PRICKLE2: variants seen among roughly 807,000 people sequenced by gnomAD.
PRICKLE2 encodes the protein prickle planar cell polarity protein 2.
A neutral mutation model predicts 81.4 loss-of-function variants in PRICKLE2; 21 were observed. The observed-to-expected ratio is 0.26, with a 90% CI of 0.18 to 0.37. The LOEUF is 0.37. Ranked by LOEUF, PRICKLE2 falls within the 10% of genes least tolerant of loss-of-function variation. The probability of loss-of-function intolerance (pLI) is 1.00; values close to 1 mark genes in which losing one functional copy is unlikely to be tolerated. For synonymous variants in PRICKLE2, 456 were observed against 421.5 expected (o/e 1.08, Z -1.00); for missense variants, 940 against 1,109.0 (o/e 0.85, Z 2.16).
intron 2 of PRICKLE2, among the ~76,000 whole-genome samples, chr3:64,169,225 T>G (rs149313361): frequency 6.6e-6 from 1 of 152,116 alleles, no homozygotes; most frequent in African/African-American, 2.4e-5. Flanking sequence ...GTAAACACAA[T>G]GGCTAGAGCT....
At position 64,225,395 on chromosome 3, in the gene PRICKLE2, G is replaced by A. The variant is rs1407604359; in HGVS notation, c.-526C>T. 1.0e-6 allele frequency: 1 copy of A among 985,380 alleles called. No homozygotes were observed. The highest frequency in any genetic ancestry group is 1.2e-6 in the Non-Finnish European group (1 of 829,980). The allele number at this position is 985,380 out of a possible 1,614,324, so 61.0% of individuals were successfully genotyped here. ...CTCAAGCCACTGAACCAGGAAATGT[G>A]CTGCTTGGTCAAAAAATAATAATAA... On this transcript the variant is annotated 5_prime_UTR_variant, in exon 1 of 8. Transcript: ENST00000638394.
chr3:64,248,777 T>C, intron 2 of PRICKLE2, among the ~76,000 whole-genome samples: 1 of 151,962 alleles, frequency 6.6e-6, no homozygotes, highest in Non-Finnish European at 1.5e-5. Context: ...AATAGAAGAC[T>C]CTATAGAAAC....
At chr3:64,239,084 A>C (rs1455488074) in intron 2 of PRICKLE2, among the ~76,000 whole-genome samples, 1 of 152,174 alleles carries the variant, frequency 6.6e-6, no homozygotes, top group Non-Finnish European at 1.5e-5. Context: ...ATGTCAGAGC[A>C]GACTGCCTTG....
chr3:64,205,369 CT>C (rs2078668104), intron 1 of PRICKLE2, among the ~76,000 whole-genome samples: 3 of 152,186 alleles, frequency 2.0e-5, no homozygotes, highest in South Asian at 4.1e-4. Context: ...CGGAGACCCT[CT>C]CTTTAACTAT....
At position 64,099,849 on chromosome 3, in the gene PRICKLE2, A is replaced by G. The variant is rs1477115652; in HGVS notation, c.1737T>C (p.Ser579=). The G allele has an allele frequency of 2.8e-5, 45 of 1,614,090 alleles. No homozygotes were observed. Among genetic ancestry groups the G allele is most frequent in the Admixed American group, 1.7e-4 (10 of 60,008 alleles). Residue 579 remains serine (S), a synonymous_variant, in exon 8 of 8, where the codon TCT becomes TCC. Transcript: ENST00000638394. The surrounding 1 kb of genome is among the most constrained non-coding windows in gnomAD (Gnocchi z 4.3). ...TCAGCTTCTCAGACACATTCATTCCAGAGTCTTTGCTGAGGTCAGGCATGG... is the reference window on the plus strand; with the variant it reads ...TCAGCTTCTCAGACACATTCATTCCGGAGTCTTTGCTGAGGTCAGGCATGG... The part of the protein sequence containing the change: ...RFSMPDLSKD[S]GMNVSEKLSN...
chr3:64,245,100 A>G (rs1431248067), intron 2 of PRICKLE2, among the ~76,000 whole-genome samples: 1 of 152,138 alleles, frequency 6.6e-6, no homozygotes, highest in Middle Eastern at 3.2e-3. Context: ...TTTCAAGCCG[A>G]TTTTTCTAAG....
intron 2 of PRICKLE2, among the ~76,000 whole-genome samples, chr3:64,258,893 G>GAAAGAAAGAAAGAAATAAATAAAT (rs796940955): frequency 2.1e-4 from 30 of 140,944 alleles, no homozygotes; most frequent in African/African-American, 8.1e-4. Context: ...AAGAAAGAAA[G>GAAAGAAAGAAAGAAATAAATAAAT]AAATCAGGAG....
chr3:64,219,014 T>C (rs897947578), intron 1 of PRICKLE2, among the ~76,000 whole-genome samples: 1 of 152,122 alleles, frequency 6.6e-6, no homozygotes, highest in African/African-American at 2.4e-5. Context: ...ACACCCCCTC[T>C]TCACTAGTGG....
At chr3:64,209,319 T>A (rs1559580623) in intron 1 of PRICKLE2, among the ~76,000 whole-genome samples, 1 of 151,868 alleles carries the variant, frequency 6.6e-6, no homozygotes, top group Non-Finnish European at 1.5e-5. Flanking sequence ...CATACATACA[T>A]CCATATTTAT....
At chr3:64,171,417 C>A (rs555852812) in intron 2 of PRICKLE2, among the ~76,000 whole-genome samples, 1 of 152,346 alleles carries the variant, frequency 6.6e-6, no homozygotes, top group East Asian at 1.9e-4. Flanking sequence ...TCAGCCCCAA[C>A]AGCAAAAGAT....
intron 2 of PRICKLE2, among the ~76,000 whole-genome samples, chr3:64,262,516 G>C (rs2079630703): frequency 6.6e-6 from 1 of 151,962 alleles, no homozygotes; most frequent in South Asian, 2.1e-4. Context: ...GACTCCACTA[G>C]TCAAGAGTCC....
rs199785142 is a variant in PRICKLE2, at chr3:64,147,282, T to A, written c.1208A>T (p.Tyr403Phe). ...IWRSREEPYH[Y>F]GNKMEQNQTQ... ...CTGGTTCTGCTCCATCTTGTTCCCA[T>A]AATGGTAGGGCTCTTCCCGGCTCCT... Residue 403 changes from tyrosine to phenylalanine, a missense_variant, in exon 7 of 8, where the codon TAT becomes TTT. By Grantham distance (22) the Tyr-to-Phe change is conservative (BLOSUM62 3). Around this residue, in one of 2 missense-constraint regions of PRICKLE2, gnomAD observed 670 missense variants for 717.2 expected, o/e 0.93. Transcript: ENST00000638394. This position sits in a 1 kb window ranked among gnomAD's most constrained non-coding sequence, Gnocchi z 5.0. The A allele has an allele frequency of 2.8e-5, 45 of 1,612,730 alleles. No individual in the cohort carries two copies. Among genetic ancestry groups the A allele is most frequent in the Middle Eastern group, 1.6e-4 (1 of 6,082 alleles).
chr3:64,113,526 C>G (rs2076884251), intron 7 of PRICKLE2, among the ~76,000 whole-genome samples: 1 of 152,138 alleles, frequency 6.6e-6, no homozygotes, highest in Non-Finnish European at 1.5e-5. Flanking sequence ...TGCACATGCT[C>G]CCTCCCCATA....
intron 2 of PRICKLE2, among the ~76,000 whole-genome samples, chr3:64,166,990 T>C (rs528290746): frequency 9.4e-4 from 143 of 152,324 alleles, no homozygotes; most frequent in Non-Finnish European, 1.7e-3. Context: ...ATTCTTTGGC[T>C]GGATACAGGA....
intron 3 of PRICKLE2, among the ~76,000 whole-genome samples, chr3:64,162,227 T>G (rs1345641247): frequency 6.6e-6 from 1 of 152,160 alleles, no homozygotes; most frequent in African/African-American, 2.4e-5. Context: ...ATTACATTTT[T>G]GTTTTAAATG....
chr3:64,170,703 T>TAAAA (rs770744864), intron 2 of PRICKLE2, among the ~76,000 whole-genome samples: 1 of 113,400 alleles, frequency 8.8e-6, no homozygotes, highest in Non-Finnish European at 1.8e-5. Context: ...CTAGAAACAT[T>TAAAA]AAAAAAAAAA....
intron 7 of PRICKLE2, among the ~76,000 whole-genome samples, chr3:64,107,933 G>A (rs543084908): frequency 3.3e-5 from 5 of 152,186 alleles, no homozygotes; most frequent in Non-Finnish European, 7.3e-5. Flanking sequence ...TTTCATTAGG[G>A]TCTTTCCTAT....
In PRICKLE2 at chr3:64,093,487, A is replaced by G. The variant is rs943087148; in HGVS notation, c.*5564T>C. On this transcript the variant is annotated 3_prime_UTR_variant, in exon 8 of 8. Coordinates refer to ENST00000638394, the MANE Select transcript of PRICKLE2 (RefSeq NM_198859.4). ...CATTTTACATTCCCACCAACAGTGT[A>G]CAAGTGTTCCAATTGCTCCACATCC... The G allele has an allele frequency of 6.6e-6, 1 of 152,196 alleles. No individual in the cohort carries two copies. The highest frequency in any genetic ancestry group is 2.4e-5 in the African/African-American group (1 of 41,446). The allele number at this position is 152,196 out of a possible 1,614,324, so 9.4% of individuals were successfully genotyped here.
intron 1 of PRICKLE2, among the ~76,000 whole-genome samples, chr3:64,201,171 C>T (rs958834774): frequency 1.4e-4 from 21 of 151,990 alleles, no homozygotes; most frequent in Admixed American, 3.9e-4. Context: ...CCTCGTGATC[C>T]GCCTGCCTCG....
Sources: gnomAD v4.1 joint callset for allele counts (sites outside exome capture counted in the v4.1 genomes callset) on GRCh38, gnomAD v4.1.1 for gene constraint, gnomAD v4.1.1 regional missense constraint, Gnocchi (gnomAD v3.1) non-coding constraint, MANE v1.5 for transcripts, NCBI Gene and HGNC (gene_info 2026-07-23, HGNC 2026-07-21) for gene names.